Variants in ZNF365 observed in about 807,000 individuals in gnomAD.
ZNF365 encodes protein ZNF365.
ZNF365 carries 22 observed loss-of-function variants against 35.0 expected under a neutral mutation model. The observed-to-expected ratio is 0.63, with a 90% CI of 0.45 to 0.90. The LOEUF is 0.90. Among genes scored for constraint, ZNF365 ranks in the 40% least tolerant of loss-of-function variants. The pLI is 0.00. For missense variants in ZNF365, 448 were observed against 500.3 expected (o/e 0.90, Z 1.00); for synonymous variants, 188 against 196.2 (o/e 0.96, Z 0.35).
At chr10:62,440,301 T>C (rs6479810) in intron 3 of ZNF365, among the ~76,000 whole-genome samples, 105,060 of 146,158 alleles carry the variant, frequency 0.72, 37,550 homozygotes, top group Non-Finnish European at 0.8. Flanking sequence ...AAACTTGTGT[T>C]ACTGGGTCAC....
chr10:62,479,947 C>T (rs1386306370), exon 5 of ZNF365: 1 of 1,610,028 alleles, frequency 6.2e-7, no homozygotes, highest in Non-Finnish European at 8.5e-7. Flanking sequence ...AAGAGAATCG[C>T]AAATTAATTG....
At chr10:62,377,462 T>C (rs1451595254) in intron 2 of ZNF365, among the ~76,000 whole-genome samples, 1 of 152,248 alleles carries the variant, frequency 6.6e-6, no homozygotes, top group East Asian at 1.9e-4. Context: ...TTTAATTTAA[T>C]TTATATTTGG....
At chr10:62,392,972 C>G (rs1303418102) in intron 3 of ZNF365, among the ~76,000 whole-genome samples, 2 of 152,016 alleles carry the variant, frequency 1.3e-5, no homozygotes, top group African/African-American at 2.4e-5. Flanking sequence ...CAATAATATT[C>G]TCTTCATGTG....
chr10:62,429,094 C>T (rs1840296637), intron 3 of ZNF365, among the ~76,000 whole-genome samples: 1 of 152,120 alleles, frequency 6.6e-6, no homozygotes. Context: ...ACTAGATAAG[C>T]CAATGTGTGC....
intron 3 of ZNF365, among the ~76,000 whole-genome samples, chr10:62,458,519 G>A (rs909658408): frequency 8.0e-5 from 12 of 149,972 alleles, no homozygotes; most frequent in African/African-American, 2.9e-4. Flanking sequence ...ATATTGTGTG[G>A]GTATATAAAT....
rs749583754 is a variant in ZNF365, at chr10:62,376,650, A to T, written c.457A>T (p.Thr153Ser). 2 of 1,614,174 alleles carry T rather than the reference A, an allele frequency of 1.2e-6. No homozygotes were observed. The highest frequency in any genetic ancestry group is 2.2e-5 in the South Asian group (2 of 91,086). ...RSGPGLPTSD[T>S]KASFEAHVRE... ...GGGTCCTGGACTGCCCACCTCAGAC[A>T]CCAAAGCTTCTTTCGAGGCACATGT... Residue 153 changes from threonine (T) to serine (S), a missense_variant, in exon 2 of 5, where the codon ACC (threonine) becomes TCC (serine). By Grantham distance (58) the Thr-to-Ser change is moderately conservative. Coordinates refer to ENST00000395254, the MANE Select transcript of ZNF365 (RefSeq NM_014951.3).
intron 4 of ZNF365, among the ~76,000 whole-genome samples, chr10:62,479,070 C>A (rs575752949): frequency 1.3e-5 from 2 of 152,144 alleles, no homozygotes; most frequent in Non-Finnish European, 2.9e-5. Flanking sequence ...TCCAAGGAGA[C>A]CAACACCCTT....
At chr10:62,391,988 T>C (rs1340637351) in intron 3 of ZNF365, among the ~76,000 whole-genome samples, 5 of 152,254 alleles carry the variant, frequency 3.3e-5, no homozygotes, top group Non-Finnish European at 7.3e-5. Flanking sequence ...GATTTGCATT[T>C]CCCTGATCAT....
intron 3 of ZNF365, among the ~76,000 whole-genome samples, chr10:62,431,998 C>T (rs1840341859): frequency 6.6e-6 from 1 of 152,176 alleles, no homozygotes; most frequent in African/African-American, 2.4e-5. Flanking sequence ...CAAAAACATA[C>T]TGTGAGCATG....
chr10:62,427,674 G>T (rs1840271361), intron 3 of ZNF365, among the ~76,000 whole-genome samples: 1 of 152,072 alleles, frequency 6.6e-6, no homozygotes, highest in Non-Finnish European at 1.5e-5. Context: ...TATTTGCATT[G>T]CTTCACGGTG....
chr10:62,415,019 C>T (rs10761631), intron 3 of ZNF365, among the ~76,000 whole-genome samples: 1 of 151,756 alleles, frequency 6.6e-6, no homozygotes, highest in Admixed American at 6.6e-5. Flanking sequence ...CTAAAATTTT[C>T]GTCTGATTTG....
chr10:62,460,842 G>T (rs1015720825), intron 4 of ZNF365, among the ~76,000 whole-genome samples: 2 of 152,128 alleles, frequency 1.3e-5, no homozygotes, highest in East Asian at 1.9e-4. Context: ...TAGGCCAGGG[G>T]TCCACAAACT....
At chr10:62,479,719 C>T (rs1293265596) in intron 4 of ZNF365, among the ~76,000 whole-genome samples, 2 of 152,144 alleles carry the variant, frequency 1.3e-5, no homozygotes, top group Non-Finnish European at 1.5e-5. Context: ...AGACGCTCCT[C>T]GTGTCTATCA....
Position 62,382,435 on chromosome 10 carries a change from T to C in ZNF365, c.743+5499T>C, listed in dbSNP as rs962684150. ...AAACTCATATAGAATAAATGACGTG[T>C]CAAGCATATCCTCTCAGGGTTGGCA... is the stretch of plus-strand genomic sequence containing the variant. On this transcript the variant is annotated intron_variant, in intron 2 of 4. Coordinates refer to ENST00000395254, the MANE Select transcript of ZNF365 (RefSeq NM_014951.3). Among the ~76,000 whole-genome samples the C allele has an allele frequency of 2.0e-5, 3 of 152,180 alleles. No homozygotes were observed. In the South Asian group the frequency reaches 6.2e-4, roughly 31 times the overall value.
intron 3 of ZNF365, chr10:62,459,704 T>A (rs1025571387): frequency 6.3e-7 from 1 of 1,589,032 alleles, no homozygotes; most frequent in African/African-American, 1.3e-5. Context: ...ACACACTAGC[T>A]CCATTCATGA....
In ZNF365 at chr10:62,401,392, C is replaced by T. The variant is rs1839826309; in HGVS notation, c.*1603C>T. ...GAAATAAAGCAGTTGCTTAAAATGCCAGTCAATTGAAAAGTGTAACTTATC... is the reference window on the plus strand; with the variant it reads ...GAAATAAAGCAGTTGCTTAAAATGCTAGTCAATTGAAAAGTGTAACTTATC... On this transcript the variant is annotated 3_prime_UTR_variant, in exon 5 of 5. Transcript: ENST00000395254. The T allele has an allele frequency of 1.0e-6, 1 of 985,320 alleles. No individual in the cohort carries two copies. The highest frequency in any genetic ancestry group is 4.7e-5 in the South Asian group (1 of 21,290). The allele number at this position is 985,320 out of a possible 1,614,324, so 61.0% of individuals were successfully genotyped here. A position where few individuals can be genotyped will look rare whatever the true frequency, so the allele number is the denominator to read the frequency against.
At chr10:62,452,685 G>A (rs1353317861) in intron 3 of ZNF365, among the ~76,000 whole-genome samples, 5 of 152,252 alleles carry the variant, frequency 3.3e-5, no homozygotes, top group African/African-American at 4.8e-5. Context: ...AGGAAAAACT[G>A]CATGCCTGCA....
intron 3 of ZNF365, among the ~76,000 whole-genome samples, chr10:62,450,825 G>T (rs576877967): frequency 6.6e-6 from 1 of 152,296 alleles, no homozygotes; most frequent in African/African-American, 2.4e-5. Flanking sequence ...ACATTTCCTG[G>T]ATATTGTGCT....
intron 3 of ZNF365, chr10:62,459,662 T>C: frequency 6.8e-7 from 1 of 1,465,620 alleles, no homozygotes; most frequent in Non-Finnish European, 9.4e-7. Flanking sequence ...AACATGGCAC[T>C]GCTTGTAGTC....
Sources: gnomAD v4.1 joint callset for allele counts (sites outside exome capture counted in the v4.1 genomes callset) on GRCh38, gnomAD v4.1.1 for gene constraint, MANE v1.5 for transcripts, NCBI Gene and HGNC (gene_info 2026-07-23, HGNC 2026-07-21) for gene names.